Variants in PLCB1 observed in about 807,000 individuals in gnomAD.
The protein encoded by PLCB1 is phospholipase C beta 1.
In PLCB1, 46 loss-of-function variants were observed where a neutral mutation model predicts 161.8. The ratio of observed to expected loss-of-function variants is 0.28; its 90% CI spans 0.22 to 0.36. The LOEUF is 0.36. Ranked by LOEUF, PLCB1 falls within the 10% of genes least tolerant of loss-of-function variation. The pLI, the probability that PLCB1 is intolerant of heterozygous loss-of-function variation, is 1.00. For synonymous variants in PLCB1, 517 were observed against 503.7 expected (o/e 1.03, Z -0.35); for missense variants, 1,016 against 1,472.5 (o/e 0.69, Z 5.07).
chr20:8,572,083 C>T lies in PLCB1; in HGVS notation c.247-56211C>T, dbSNP rs534174055. ...TTTTAACATTCATTCTTACATTGTG[C>T]AATGCTATTTTCAGCAAATAAAATG... On this transcript the variant is annotated intron_variant, in intron 3 of 31. Coordinates refer to ENST00000338037, the MANE Select transcript of PLCB1 (RefSeq NM_015192.4). Among the ~76,000 whole-genome samples the T allele has an allele frequency of 7.2e-5, 11 of 152,112 alleles. No individual in the cohort carries two copies. The East Asian group carries it at 1.9e-3, about 27-fold the overall frequency.
intron 2 of PLCB1, among the ~76,000 whole-genome samples, chr20:8,333,263 T>C (rs146631870): frequency 6.6e-6 from 1 of 152,316 alleles, no homozygotes; most frequent in Non-Finnish European, 1.5e-5. Context: ...ACATTGGATT[T>C]TCACATGAGT....
At chr20:8,600,946 G>T (rs1023962061) in intron 3 of PLCB1, among the ~76,000 whole-genome samples, 11 of 150,830 alleles carry the variant, frequency 7.3e-5, no homozygotes, top group East Asian at 2.0e-4. Context: ...GCAATGCCTC[G>T]CCCTGCTTCA....
At chr20:8,276,971 CTTCTTCTTCTTCTTCTTATTA>C (rs1271441951) in intron 2 of PLCB1, among the ~76,000 whole-genome samples, 149 of 108,178 alleles carry the variant, frequency 1.4e-3, no homozygotes, top group African/African-American at 3.6e-3. Context: ...TCTTCTTCTT[CTTCTTCTTCTTCTTCTTATTA>C]TTATTATTAT....
chr20:8,867,528 A>G (rs920055629), intron 31 of PLCB1, among the ~76,000 whole-genome samples: 1 of 152,234 alleles, frequency 6.6e-6, no homozygotes, highest in Non-Finnish European at 1.5e-5. Flanking sequence ...CTTTTATTTC[A>G]ATTGCCCGGA....
intron 9 of PLCB1, 65 bp from the exon 10 acceptor site, chr20:8,684,867 A>C: frequency 1.5e-6 from 2 of 1,349,184 alleles, no homozygotes; most frequent in Non-Finnish European, 2.1e-6. Flanking sequence ...AAAAAAAAAA[A>C]AAAGAGGCGA....
chr20:8,254,484 T>A (rs1221491397), intron 2 of PLCB1, among the ~76,000 whole-genome samples: 1 of 151,934 alleles, frequency 6.6e-6, no homozygotes, highest in Non-Finnish European at 1.5e-5. Flanking sequence ...ATAAGGTAAT[T>A]ACGAAGACAC....
At chr20:8,789,059 A>G (rs1208400466) in intron 29 of PLCB1, among the ~76,000 whole-genome samples, 1 of 152,170 alleles carries the variant, frequency 6.6e-6, no homozygotes, top group Non-Finnish European at 1.5e-5. Flanking sequence ...CCTTTGTCCA[A>G]AGGCTGGCAG....
chr20:8,874,853 G>A (rs542309993), intron 31 of PLCB1, among the ~76,000 whole-genome samples: 1 of 151,918 alleles, frequency 6.6e-6, no homozygotes, highest in South Asian at 2.1e-4. Context: ...GTTTCTGTGG[G>A]CCAAATTCCC....
At chr20:8,509,382 G>A (rs1198133132) in intron 3 of PLCB1, among the ~76,000 whole-genome samples, 1 of 152,188 alleles carries the variant, frequency 6.6e-6, no homozygotes, top group Non-Finnish European at 1.5e-5. Context: ...TTGAGCTGAA[G>A]CAAGGAAGAT....
rs940292724 is a variant in PLCB1, at chr20:8,211,775, G to A, written c.177+61404G>A. On this transcript the variant is annotated intron_variant, in intron 2 of 31. Transcript: ENST00000338037. Reference sequence around the variant, plus strand: ...GCAGTTCTTTTGTGAATTATGATTGGAACAGATTGCAAAATCTCCCAGTGT... The same window carrying A: ...GCAGTTCTTTTGTGAATTATGATTGAAACAGATTGCAAAATCTCCCAGTGT... 5.3e-5 allele frequency among the ~76,000 whole-genome samples: 8 copies of A among 152,074 alleles called. No individual in the cohort carries two copies. In the South Asian group the frequency reaches 1.7e-3, roughly 32 times the overall value.
chr20:8,720,024 G>T (rs1304687202), intron 14 of PLCB1, among the ~76,000 whole-genome samples: 1 of 152,062 alleles, frequency 6.6e-6, no homozygotes, highest in Non-Finnish European at 1.5e-5. Context: ...TCATTATTGT[G>T]CATGTCTTTC....
chr20:8,738,428 GAT>G (rs1457875293), intron 20 of PLCB1, among the ~76,000 whole-genome samples: 2 of 152,098 alleles, frequency 1.3e-5, no homozygotes, highest in Non-Finnish European at 2.9e-5. Flanking sequence ...GCATTTCTCT[GAT>G]GGCCAGTGAT....
At chr20:8,241,811 C>T (rs1237466982) in intron 2 of PLCB1, among the ~76,000 whole-genome samples, 1 of 151,968 alleles carries the variant, frequency 6.6e-6, no homozygotes, top group Non-Finnish European at 1.5e-5. Context: ...AAGAAGTCCT[C>T]TTGGAAGAAG....
At chr20:8,602,785 A>G (rs1987631630) in intron 3 of PLCB1, among the ~76,000 whole-genome samples, 1 of 152,230 alleles carries the variant, frequency 6.6e-6, no homozygotes, top group Admixed American at 6.5e-5. Context: ...TCTGTGGCTT[A>G]TGAAAGAGAA....
chr20:8,610,814 T>C (rs1309119409), intron 3 of PLCB1, among the ~76,000 whole-genome samples: 1 of 152,134 alleles, frequency 6.6e-6, no homozygotes. Flanking sequence ...ACCTAGGTTT[T>C]CTTCTAAGAT....
At chr20:8,573,036 C>T (rs372112910) in intron 3 of PLCB1, among the ~76,000 whole-genome samples, 1 of 152,038 alleles carries the variant, frequency 6.6e-6, no homozygotes, top group African/African-American at 2.4e-5. Flanking sequence ...ACTCCAGTAA[C>T]ACAAAATGCC....
At chr20:8,439,248 G>A (rs1453153110) in intron 3 of PLCB1, among the ~76,000 whole-genome samples, 3 of 152,224 alleles carry the variant, frequency 2.0e-5, no homozygotes, top group East Asian at 1.9e-4. Flanking sequence ...AATACTTGTC[G>A]TAAAGGTGCC....
chr20:8,142,430 A>G (rs902044612), intron 1 of PLCB1, among the ~76,000 whole-genome samples: 6 of 152,208 alleles, frequency 3.9e-5, no homozygotes, highest in African/African-American at 1.4e-4. Flanking sequence ...ATTTATTGGC[A>G]ATGCAGAGCT....
intron 2 of PLCB1, among the ~76,000 whole-genome samples, chr20:8,336,479 C>CACA (rs1180024684): frequency 4.6e-5 from 7 of 152,086 alleles, no homozygotes; most frequent in African/African-American, 1.2e-4. Flanking sequence ...GCAGGCTTGC[C>CACA]ATGAGTACAA....
Sources: gnomAD v4.1 joint callset for allele counts (sites outside exome capture counted in the v4.1 genomes callset) on GRCh38, gnomAD v4.1.1 for gene constraint, MANE v1.5 for transcripts, NCBI Gene and HGNC (gene_info 2026-07-23, HGNC 2026-07-21) for gene names.